SYN3: variants seen among roughly 807,000 people sequenced by gnomAD.
The protein encoded by SYN3 is synapsin-3.
SYN3 carries 35 observed loss-of-function variants against 65.8 expected under a neutral mutation model. The observed-to-expected ratio is 0.53, with a 90% CI of 0.41 to 0.70. The LOEUF is 0.70. SYN3 is among the 30% of genes least tolerant of loss of function. The pLI is 0.00. For missense variants in SYN3, 680 were observed against 749.0 expected (o/e 0.91, Z 1.08); for synonymous variants, 270 against 292.9 (o/e 0.92, Z 0.80).
intron 6 of SYN3, among the ~76,000 whole-genome samples, chr22:32,724,113 C>T (rs2061157199): frequency 6.6e-6 from 1 of 152,220 alleles, no homozygotes; most frequent in South Asian, 2.1e-4. Context: ...TAGTCCAAGT[C>T]ATCCAGCAAG....
In SYN3 at chr22:32,513,732, C is replaced by T. The variant is rs753833714; in HGVS notation, c.1703G>A (p.Arg568His). 99 of 1,614,040 alleles carry T rather than the reference C, an allele frequency of 6.1e-5. No homozygotes were observed. The highest frequency in any genetic ancestry group is 8.3e-5 in the Admixed American group (5 of 60,008). The change falls in exon 14 of 14, where the codon CGC becomes CAC. Residue 568 changes from arginine (R) to histidine (H), a missense_variant. Transcript: ENST00000358763. ...SEDEAKAETI[R>H]NLRKSFASLF... ...GCTGGCAAAAGACTTCCTCAGGTTG[C>T]GGATGGTTTCAGCCTTGGCCTCGTC...
At chr22:33,022,960 C>T (rs1297685190) in intron 1 of SYN3, among the ~76,000 whole-genome samples, 1 of 152,166 alleles carries the variant, frequency 6.6e-6, no homozygotes, top group Non-Finnish European at 1.5e-5. Context: ...GCCCTACAGG[C>T]AGCACTAGCC....
In SYN3 at chr22:32,875,416, G is replaced by GT. The variant is rs1321139097; in HGVS notation, c.462-6292dup. On this transcript the variant is annotated intron_variant, in intron 4 of 13. Coordinates refer to ENST00000358763, the MANE Select transcript of SYN3 (RefSeq NM_003490.4). ...CCGGTCTCTTCCTTCCTGAATCTCT[G>GT]TCCTTGCTCTATCCTCTTCCTCCTG... 5.9e-5 allele frequency among the ~76,000 whole-genome samples: 9 copies of GT among 152,266 alleles called. No individual in the cohort carries two copies. The East Asian group carries it at 1.7e-3, about 29-fold the overall frequency.
chr22:32,812,109 T>C (rs2046931379), intron 6 of SYN3, among the ~76,000 whole-genome samples: 1 of 152,164 alleles, frequency 6.6e-6, no homozygotes, highest in Non-Finnish European at 1.5e-5. Flanking sequence ...TGGTCTCTTA[T>C]CTGTAAAACA....
intron 6 of SYN3, among the ~76,000 whole-genome samples, chr22:32,692,016 G>C (rs1426942103): frequency 6.6e-6 from 1 of 151,606 alleles, no homozygotes; most frequent in Non-Finnish European, 1.5e-5. Flanking sequence ...TTGAAGATTT[G>C]CAACAAAAAC....
intron 1 of SYN3, among the ~76,000 whole-genome samples, chr22:33,050,102 T>C (rs915032776): frequency 6.6e-6 from 1 of 152,194 alleles, no homozygotes; most frequent in Non-Finnish European, 1.5e-5. Context: ...GGAGTCTTTG[T>C]GTCCATTTCT....
chr22:32,680,989 T>A (rs915704060), intron 6 of SYN3, among the ~76,000 whole-genome samples: 4 of 152,210 alleles, frequency 2.6e-5, no homozygotes, highest in African/African-American at 9.6e-5. Context: ...AAATTCTACT[T>A]CTTATTTAAA....
Position 32,677,300 on chromosome 22 carries a change from A to T in SYN3, c.712-80564T>A, listed in dbSNP as rs79004374. Among the ~76,000 whole-genome samples the T allele has an allele frequency of 4.5e-5, 4 of 88,680 alleles. No homozygotes were observed. In the East Asian group the frequency reaches 6.3e-3, roughly 141 times the overall value. 58.2% of individuals were successfully genotyped at this position (88,680 alleles called of 152,430 possible). A position where few individuals can be genotyped will look rare whatever the true frequency, so the allele number is the denominator to read the frequency against. ...CTATCCAGCTTTCGAGGAGTGTGCC[A>T]GGGGAAGAAGACCCTTCCAAATGCG... On this transcript the variant is annotated intron_variant, in intron 6 of 13. Transcript: ENST00000358763.
At chr22:32,815,808 C>T (rs1429964388) in intron 6 of SYN3, among the ~76,000 whole-genome samples, 1 of 152,178 alleles carries the variant, frequency 6.6e-6, no homozygotes, top group Non-Finnish European at 1.5e-5. Context: ...GACCTCCTGA[C>T]TCCAGAGTCC....
At chr22:32,786,018 GA>G (rs5845032) in intron 6 of SYN3, among the ~76,000 whole-genome samples, 1 of 134,748 alleles carries the variant, frequency 7.4e-6, no homozygotes, top group Admixed American at 7.4e-5. Context: ...AGAAGAAGAA[GA>G]AAAAAAAAAT....
chr22:32,960,649 T>C (rs576972979), intron 3 of SYN3, among the ~76,000 whole-genome samples: 1 of 152,356 alleles, frequency 6.6e-6, no homozygotes, highest in South Asian at 2.1e-4. Context: ...CAACAGGCTC[T>C]GACCAGCTTC....
intron 6 of SYN3, among the ~76,000 whole-genome samples, chr22:32,748,199 A>G (rs1281725620): frequency 6.6e-6 from 1 of 152,246 alleles, no homozygotes; most frequent in Non-Finnish European, 1.5e-5. Flanking sequence ...AGAATGAACT[A>G]GAACAACCTA....
At chr22:32,537,875 G>T (rs747759031) in intron 9 of SYN3, among the ~76,000 whole-genome samples, 161 bp downstream of exon 9, 10 of 152,238 alleles carry the variant, frequency 6.6e-5, no homozygotes, top group Non-Finnish European at 1.0e-4. Context: ...CCTGTAGGTT[G>T]CTGTGGGCAG....
At chr22:32,894,146 T>C (rs1300262980) in intron 4 of SYN3, among the ~76,000 whole-genome samples, 2 of 152,168 alleles carry the variant, frequency 1.3e-5, no homozygotes, top group African/African-American at 4.8e-5. Flanking sequence ...TTCTACGCAA[T>C]AAACTGAGAG....
At chr22:32,910,424 G>A (rs1569320089) in intron 4 of SYN3, among the ~76,000 whole-genome samples, 1 of 151,932 alleles carries the variant, frequency 6.6e-6, no homozygotes, top group African/African-American at 2.4e-5. Flanking sequence ...ATGACATGAT[G>A]GATGATCTGT....
intron 1 of SYN3, among the ~76,000 whole-genome samples, chr22:33,009,172 G>T (rs1368952886): frequency 1.3e-5 from 2 of 151,980 alleles, no homozygotes; most frequent in African/African-American, 4.8e-5. Flanking sequence ...TGGGTCATGG[G>T]GTAAGTGTAT....
At chr22:33,050,981 C>A (rs925848880) in intron 1 of SYN3, among the ~76,000 whole-genome samples, 1 of 152,326 alleles carries the variant, frequency 6.6e-6, no homozygotes, top group Non-Finnish European at 1.5e-5. Flanking sequence ...ACCCACTGAG[C>A]CCACTTCATC....
intron 6 of SYN3, among the ~76,000 whole-genome samples, chr22:32,856,099 T>A (rs1204737782): frequency 1.3e-5 from 2 of 152,214 alleles, no homozygotes; most frequent in East Asian, 3.9e-4. Flanking sequence ...CAGGGCTCTT[T>A]TAAGGATACT....
chr22:32,806,889 AT>A (rs759934060), intron 6 of SYN3, among the ~76,000 whole-genome samples: 2 of 151,852 alleles, frequency 1.3e-5, no homozygotes, highest in Admixed American at 6.6e-5. Flanking sequence ...CTTCCTATAC[AT>A]TTACATACAT....
Sources: allele counts gnomAD v4.1 joint callset (sites outside exome capture counted in the v4.1 genomes callset), GRCh38; gene constraint gnomAD v4.1.1; transcripts MANE v1.5; gene names NCBI Gene and HGNC (gene_info 2026-07-23, HGNC 2026-07-21).